Variants in JCAD observed in about 807,000 individuals in gnomAD.
JCAD encodes junctional cadherin 5-associated protein.
In JCAD, 40 loss-of-function variants were observed where a neutral mutation model predicts 98.0. The ratio of observed to expected loss-of-function variants is 0.41; its 90% CI spans 0.32 to 0.53. The LOEUF is 0.53. JCAD is among the 20% of genes least tolerant of loss of function. The pLI, the probability that JCAD is intolerant of heterozygous loss-of-function variation, is 0.31. For missense variants in JCAD, 1,705 were observed against 1,738.1 expected (o/e 0.98, Z 0.34); for synonymous variants, 691 against 682.3 (o/e 1.01, Z -0.20).
chr10:30,015,235 A>T lies in JCAD; in HGVS notation c.*2648T>A, dbSNP rs1836509779. 6.6e-6 allele frequency: 1 copy of T among 152,242 alleles called. No individual in the cohort carries two copies. The highest frequency in any genetic ancestry group is 2.4e-5 in the African/African-American group (1 of 41,468). The allele number at this position is 152,242 out of a possible 1,614,324, so 9.4% of individuals were successfully genotyped here. ...TCCAAATTATTAAACACCAACAGTAAATTGTGTGCATGAGAAGAACAAAGA... is the reference window on the plus strand; with the variant it reads ...TCCAAATTATTAAACACCAACAGTATATTGTGTGCATGAGAAGAACAAAGA... On this transcript the variant is annotated 3_prime_UTR_variant, in exon 4 of 4. Transcript: ENST00000375377.
At chr10:30,076,448 C>G (rs1156996042) in intron 1 of JCAD, among the ~76,000 whole-genome samples, 1 of 152,150 alleles carries the variant, frequency 6.6e-6, no homozygotes, top group Non-Finnish European at 1.5e-5. Context: ...GTAGAAACCA[C>G]AGGTGAAACT....
chr10:30,067,089 A>G (rs1480596560), intron 2 of JCAD, among the ~76,000 whole-genome samples: 2 of 151,882 alleles, frequency 1.3e-5, no homozygotes, highest in African/African-American at 4.8e-5. Context: ...AGGATTGCTT[A>G]AGCCTAAGAG....
In JCAD at chr10:30,039,733, A is replaced by C. The variant is rs150269420; in HGVS notation, c.281+7799T>G. 1.9e-3 allele frequency among the ~76,000 whole-genome samples: 293 copies of C among 152,164 alleles called. 2 individuals carry two copies. The highest frequency in any genetic ancestry group is 6.9e-3 in the African/African-American group (285 of 41,524). Reference sequence around the variant, plus strand: ...TCACACCAACAGGGAGCAGTGTTGGAACGTTGCCAGGAGAGTGGTGAGCAG... The same window carrying C: ...TCACACCAACAGGGAGCAGTGTTGGCACGTTGCCAGGAGAGTGGTGAGCAG... On this transcript the variant is annotated intron_variant, in intron 2 of 3. Coordinates refer to ENST00000375377, the MANE Select transcript of JCAD (RefSeq NM_020848.4).
chr10:30,026,041 T>G (rs1222671541), intron 3 of JCAD, 62 bp downstream of exon 3: 4 of 1,591,864 alleles, frequency 2.5e-6, no homozygotes, highest in Non-Finnish European at 3.4e-6. Flanking sequence ...AACCTGGTAT[T>G]TTGTACTGAC....
At chr10:30,090,560 G>C (rs970282581) in intron 1 of JCAD, among the ~76,000 whole-genome samples, 6 of 146,824 alleles carry the variant, frequency 4.1e-5, no homozygotes, top group Admixed American at 3.4e-4. Context: ...AAGGAAAGGA[G>C]AGGAGAGGGG....
rs1836512731 is a variant in JCAD, at chr10:30,015,364, C to T, written c.*2519G>A. The T allele has an allele frequency of 6.6e-6, 1 of 152,090 alleles. No individual in the cohort carries two copies. Among genetic ancestry groups the T allele is most frequent in the Non-Finnish European group, 1.5e-5 (1 of 68,018 alleles). The allele number at this position is 152,090 out of a possible 1,614,324, so 9.4% of individuals were successfully genotyped here. ...TAAACAATTAGTGTTAAATTCAAGA[C>T]CTCTGGGAAAGCTGTTGTTGGTTAT... is the stretch of plus-strand genomic sequence containing the variant. On this transcript the variant is annotated 3_prime_UTR_variant, in exon 4 of 4. Coordinates refer to ENST00000375377, the MANE Select transcript of JCAD (RefSeq NM_020848.4).
intron 1 of JCAD, among the ~76,000 whole-genome samples, chr10:30,055,922 T>G (rs1459623436): frequency 1.3e-5 from 2 of 152,000 alleles, no homozygotes; most frequent in African/African-American, 4.8e-5. Flanking sequence ...TTTCCACAAC[T>G]AATGTGAACA....
At chr10:30,047,043 C>T (rs1316387439) in intron 2 of JCAD, among the ~76,000 whole-genome samples, 1 of 152,060 alleles carries the variant, frequency 6.6e-6, no homozygotes, top group Non-Finnish European at 1.5e-5. Flanking sequence ...GTTATGACTG[C>T]ACCACTGCAC....
chr10:30,036,463 AC>A (rs1837113741), intron 2 of JCAD, among the ~76,000 whole-genome samples: 1 of 150,930 alleles, frequency 6.6e-6, no homozygotes, highest in Admixed American at 6.6e-5. Flanking sequence ...AAAAAAAAAA[AC>A]AAAAAAAATG....
In JCAD at chr10:30,028,427, T is replaced by G; in HGVS notation, c.1721A>C (p.Lys574Thr). ...CAAGCAAAATATAGTCTCGTTCATTTTTTTCTTTGAACTTTTCTTGGTCCG... is the reference window on the plus strand; with the variant it reads ...CAAGCAAAATATAGTCTCGTTCATTGTTTTCTTTGAACTTTTCTTGGTCCG... The part of the protein sequence containing the change: ...GTRTKKSSKK[K>T]MNETIFCLVS... The change falls in exon 3 of 4, where the codon AAA becomes ACA. Residue 574 changes from lysine (K) to threonine (T), a missense_variant. Coordinates refer to ENST00000375377, the MANE Select transcript of JCAD (RefSeq NM_020848.4). The G allele has an allele frequency of 6.2e-7, 1 of 1,614,206 alleles. No individual in the cohort carries two copies. Among genetic ancestry groups the G allele is most frequent in the Non-Finnish European group, 8.5e-7 (1 of 1,180,050 alleles).
intron 2 of JCAD, among the ~76,000 whole-genome samples, chr10:30,067,904 G>T (rs539369196): frequency 6.6e-6 from 1 of 152,112 alleles, no homozygotes; most frequent in Non-Finnish European, 1.5e-5. Flanking sequence ...CTCCTAGGCC[G>T]CAAACCATGC....
chr10:30,075,125 A>T (rs77582385), intron 1 of JCAD, among the ~76,000 whole-genome samples: 1,605 of 152,266 alleles, frequency 0.011, 31 homozygotes, highest in African/African-American at 0.035. Flanking sequence ...ATTTTGTTTA[A>T]ATTCTGATTG....
In JCAD at chr10:30,017,693, C is replaced by G; in HGVS notation, c.*190G>C. The G allele has an allele frequency of 7.7e-6, 5 of 645,510 alleles. No homozygotes were observed. Among genetic ancestry groups the G allele is most frequent in the Non-Finnish European group, 1.4e-5 (5 of 362,780 alleles). 40.0% of individuals were successfully genotyped at this position (645,510 alleles called of 1,614,324 possible). ...AACAGATGGTTTCAACGGACGATTG[C>G]TTTATCGCCACAAAGCAATTCTGAG... On this transcript the variant is annotated 3_prime_UTR_variant, in exon 4 of 4. Coordinates refer to ENST00000375377, the MANE Select transcript of JCAD (RefSeq NM_020848.4).
chr10:30,047,579 G>A lies in JCAD; in HGVS notation c.234C>T (p.Gly78=), dbSNP rs1564453418. ...CAGAAGTGCTCTGGGGCTCCCCGTG[G>A]CCTCTCGGTGTGCTGCGGCGGCTTT... ...DSESRRSTPR[G]HGEPQSTSAS... is the part of the protein sequence containing the mutation. Residue 78 remains glycine (G), a synonymous_variant, in exon 2 of 4, where the codon GGC becomes GGT. Transcript: ENST00000375377. The A allele has an allele frequency of 1.2e-6, 2 of 1,614,100 alleles. No individual in the cohort carries two copies. Among genetic ancestry groups the A allele is most frequent in the Middle Eastern group, 3.3e-4 (2 of 6,048 alleles).
intron 1 of JCAD, among the ~76,000 whole-genome samples, chr10:30,073,326 T>C (rs1000505671): frequency 6.6e-6 from 1 of 152,208 alleles, no homozygotes; most frequent in African/African-American, 2.4e-5. Context: ...GAATTAGATA[T>C]TTGGTGAAAC....
At position 30,079,022 on chromosome 10, in the gene JCAD, A is replaced by T. The variant is rs567856523; in HGVS notation, n.129-9201T>A. Among the ~76,000 whole-genome samples, 6 of 152,238 alleles carry T rather than the reference A, an allele frequency of 3.9e-5. No individual in the cohort carries two copies. In the South Asian group the frequency reaches 8.3e-4, roughly 21 times the overall value. Reference sequence around the variant, plus strand: ...GCTCGAGTGCTCAGACTTTAGTGAGACTATTCCAGTCAACAGCAGGGAAAC... The same window carrying T: ...GCTCGAGTGCTCAGACTTTAGTGAGTCTATTCCAGTCAACAGCAGGGAAAC... On this transcript the variant is annotated intron_variant and non_coding_transcript_variant, in intron 1 of 2. Transcript: ENST00000465712.
Position 30,017,899 on chromosome 10 carries a change from C to A in JCAD, c.4064G>T (p.Arg1355Ile), listed in dbSNP as rs747291054. Residue 1355 changes from arginine (R) to isoleucine (I), a missense_variant, in exon 4 of 4, where the codon AGA becomes ATA. Around this residue, in one of 3 missense-constraint regions of JCAD, gnomAD observed 1,278 missense variants for 1,243.1 expected, o/e 1.03. Transcript: ENST00000375377. ...FWCPDSYDPSRVERV is the reference protein window; with the variant it reads ...FWCPDSYDPSIVERV ...GGCATTTCATCACACCCTCTCCACTCTGCTAGGGTCATAGGAATCTGTAAA... is the reference window on the plus strand; with the variant it reads ...GGCATTTCATCACACCCTCTCCACTATGCTAGGGTCATAGGAATCTGTAAA... 1 of 1,612,632 alleles carries A rather than the reference C, an allele frequency of 6.2e-7. No individual in the cohort carries two copies.
intron 2 of JCAD, among the ~76,000 whole-genome samples, chr10:30,046,945 C>T (rs1837348665): frequency 6.6e-6 from 1 of 152,044 alleles, no homozygotes; most frequent in Non-Finnish European, 1.5e-5. Context: ...TAAAAATTAG[C>T]CAGGTGTGGT....
chr10:30,019,897 AT>A (rs1836622115), intron 3 of JCAD, among the ~76,000 whole-genome samples: 1 of 151,872 alleles, frequency 6.6e-6, no homozygotes, highest in Non-Finnish European at 1.5e-5. Flanking sequence ...AATATATGCA[AT>A]TTTTGTCAAT....
Sources: gnomAD v4.1 joint callset for allele counts (sites outside exome capture counted in the v4.1 genomes callset) on GRCh38, gnomAD v4.1.1 for gene constraint, gnomAD v4.1.1 regional missense constraint, MANE v1.5 for transcripts, NCBI Gene and HGNC (gene_info 2026-07-23, HGNC 2026-07-21) for gene names.